CUL2: variants seen among roughly 807,000 people sequenced by gnomAD.
The protein encoded by CUL2 is cullin-2.
CUL2 carries 22 observed loss-of-function variants against 110.2 expected under a neutral mutation model. That is an observed-to-expected ratio of 0.20 (90% CI 0.14 to 0.28). The LOEUF (loss-of-function observed/expected upper bound fraction) is 0.28. CUL2 is among the 10% of genes least tolerant of loss of function. The probability of loss-of-function intolerance (pLI) is 1.00; values close to 1 mark genes in which losing one functional copy is unlikely to be tolerated. For synonymous variants in CUL2, 279 were observed against 293.2 expected (o/e 0.95, Z 0.49); for missense variants, 631 against 905.5 (o/e 0.70, Z 3.89).
In CUL2 at chr10:35,013,661, T is replaced by C. The variant is rs1046164595; in HGVS notation, c.1989+38A>G. On this transcript the variant is annotated intron_variant, in intron 19 of 20. Coordinates refer to ENST00000374749, the MANE Select transcript of CUL2 (RefSeq NM_003591.4). Reference sequence around the variant, plus strand: ...CTTGTAAAGTCCAATGCTTAAATGTTTCCCCCTCAAAAAAAACTTGACATT... The same window carrying C: ...CTTGTAAAGTCCAATGCTTAAATGTCTCCCCCTCAAAAAAAACTTGACATT... 3 of 1,334,764 alleles carry C rather than the reference T, an allele frequency of 2.2e-6. No individual in the cohort carries two copies. In the African/African-American group the frequency reaches 4.3e-5, roughly 19 times the overall value. The allele number at this position is 1,334,764 out of a possible 1,614,324, so 82.7% of individuals were successfully genotyped here. A position where few individuals can be genotyped will look rare whatever the true frequency, so the allele number is the denominator to read the frequency against.
chr10:35,039,142 A>G, intron 8 of CUL2, 60 bp from the exon 9 acceptor site: 1 of 1,154,212 alleles, frequency 8.7e-7, no homozygotes, highest in Non-Finnish European at 1.2e-6. Context: ...AAAAATCTGT[A>G]ATATCAGCAA....
intron 11 of CUL2, 24 bp downstream of exon 11, chr10:35,033,142 A>T (rs529086304): frequency 5.0e-6 from 7 of 1,410,294 alleles, no homozygotes; most frequent in Non-Finnish European, 7.0e-6. Context: ...GTACATATAT[A>T]GTATATATGT....
At chr10:35,050,766 G>A (rs1428165058) in intron 5 of CUL2, among the ~76,000 whole-genome samples, 5 of 152,122 alleles carry the variant, frequency 3.3e-5, no homozygotes, top group Non-Finnish European at 7.4e-5. Context: ...CCTATTTTCT[G>A]CTACTGGAAA....
At chr10:35,010,814 T>G (rs2084880659) in intron 20 of CUL2, among the ~76,000 whole-genome samples, 1 of 152,198 alleles carries the variant, frequency 6.6e-6, no homozygotes, top group South Asian at 2.1e-4. Flanking sequence ...CTAATGTAAT[T>G]TTACATTTAT....
intron 18 of CUL2, 59 bp from the exon 19 acceptor site, chr10:35,013,859 T>G: frequency 8.4e-7 from 1 of 1,185,138 alleles, no homozygotes; most frequent in Non-Finnish European, 1.1e-6. Context: ...AATAAGAGTT[T>G]GCTGCAAGCA....
At chr10:35,104,299 A>G (rs552561587) in intron 1 of CUL2, among the ~76,000 whole-genome samples, 1 of 152,280 alleles carries the variant, frequency 6.6e-6, no homozygotes, top group African/African-American at 2.4e-5. Context: ...TACAAAAATT[A>G]GCTAGACATG....
intron 2 of CUL2, among the ~76,000 whole-genome samples, chr10:35,098,510 C>T (rs1431993588): frequency 6.6e-6 from 1 of 151,436 alleles, no homozygotes; most frequent in Non-Finnish European, 1.5e-5. Flanking sequence ...TGCTTGAGGT[C>T]AGGAGTTCAA....
chr10:35,118,815 T>C (rs1394790860), intron 1 of CUL2: 1 of 152,254 alleles, frequency 6.6e-6, no homozygotes, highest in Non-Finnish European at 1.5e-5. Flanking sequence ...GAAAAAGGTA[T>C]ATCTCATGTC....
intron 1 of CUL2, among the ~76,000 whole-genome samples, chr10:35,104,739 T>C (rs1307065734): frequency 6.6e-6 from 1 of 151,904 alleles, no homozygotes; most frequent in Non-Finnish European, 1.5e-5. Flanking sequence ...TCAAAGACTT[T>C]TCTGGGGGGG....
upstream of CUL2, among the ~76,000 whole-genome samples, chr10:35,095,329 A>C (rs2087280030): frequency 6.7e-6 from 1 of 149,776 alleles, no homozygotes; most frequent in Admixed American, 6.7e-5. Flanking sequence ...TCTCAAAAAA[A>C]AAAAAAAAGA....
intron 1 of CUL2, among the ~76,000 whole-genome samples, chr10:35,080,825 G>A (rs951959185): frequency 6.6e-6 from 1 of 152,148 alleles, no homozygotes; most frequent in Non-Finnish European, 1.5e-5. Context: ...CATATGGTGT[G>A]TGCCAAAATG....
intron 14 of CUL2, among the ~76,000 whole-genome samples, chr10:35,030,843 C>T (rs1321849261): frequency 6.6e-6 from 1 of 151,664 alleles, no homozygotes; most frequent in Non-Finnish European, 1.5e-5. Flanking sequence ...GCCTGGGCAA[C>T]ATAGTGAGAC....
chr10:35,117,181 TG>T (rs1231842676), intron 1 of CUL2, among the ~76,000 whole-genome samples: 4 of 152,152 alleles, frequency 2.6e-5, no homozygotes, highest in African/African-American at 9.7e-5. Flanking sequence ...CTAGCTTACT[TG>T]GGACAGACAC....
chr10:35,033,130 AT>A, intron 11 of CUL2, 35 bp downstream of exon 11: 1 of 1,284,464 alleles, frequency 7.8e-7, no homozygotes, highest in East Asian at 2.5e-5. Flanking sequence ...ATAGAGTTTT[AT>A]GTACATATAT....
At chr10:35,106,857 A>G (rs1165266269) in intron 1 of CUL2, among the ~76,000 whole-genome samples, 4 of 151,956 alleles carry the variant, frequency 2.6e-5, no homozygotes, top group African/African-American at 9.7e-5. Flanking sequence ...AGAAAAGGGC[A>G]GTTTACTTTA....
intron 18 of CUL2, among the ~76,000 whole-genome samples, chr10:35,015,348 A>G (rs1416168107): frequency 6.6e-6 from 1 of 152,122 alleles, no homozygotes; most frequent in Non-Finnish European, 1.5e-5. Flanking sequence ...CAGATAAATC[A>G]TTTCTCAAAA....
At chr10:35,117,977 C>T (rs183234647) in intron 1 of CUL2, among the ~76,000 whole-genome samples, 10 of 152,264 alleles carry the variant, frequency 6.6e-5, no homozygotes, top group African/African-American at 2.4e-4. Context: ...ATATGCACAG[C>T]CTCCCTATCA....
At chr10:35,050,199 T>C (rs1252140656) in intron 5 of CUL2, among the ~76,000 whole-genome samples, 1 of 151,900 alleles carries the variant, frequency 6.6e-6, no homozygotes, top group East Asian at 1.9e-4. Context: ...CATGCGCCTG[T>C]AATCCCAGCT....
rs946463085 is a variant in CUL2, at chr10:35,025,216, A to C, written c.1618-18T>G. Reference sequence around the variant, plus strand: ...AATTCAAACTGTAAAAAAAAAAAAAAAACACACATTATTTTTAGCTACTAT... The same window carrying C: ...AATTCAAACTGTAAAAAAAAAAAAACAACACACATTATTTTTAGCTACTAT... On this transcript the variant is annotated intron_variant, in intron 16 of 20. Coordinates refer to ENST00000374749, the MANE Select transcript of CUL2 (RefSeq NM_003591.4). 1.5e-5 allele frequency: 23 copies of C among 1,553,366 alleles called. No individual in the cohort carries two copies. Among genetic ancestry groups the C allele is most frequent in the Non-Finnish European group, 1.9e-5 (22 of 1,160,746 alleles).
Sources: gnomAD v4.1 joint callset for allele counts (sites outside exome capture counted in the v4.1 genomes callset) on GRCh38, gnomAD v4.1.1 for gene constraint, MANE v1.5 for transcripts, NCBI Gene and HGNC (gene_info 2026-07-23, HGNC 2026-07-21) for gene names.